SAMD4A: variants seen among roughly 807,000 people sequenced by gnomAD.
SAMD4A encodes the protein protein Smaug homolog 1.
In SAMD4A, 33 loss-of-function variants were observed where a neutral mutation model predicts 81.3. That is an observed-to-expected ratio of 0.41 (90% CI 0.31 to 0.54). SAMD4A has a LOEUF of 0.54. Ranked by LOEUF, SAMD4A falls within the 20% of genes least tolerant of loss-of-function variation. The probability of loss-of-function intolerance (pLI) is 0.37; values close to 1 mark genes in which losing one functional copy is unlikely to be tolerated. For missense variants in SAMD4A, 854 were observed against 951.1 expected, an observed-to-expected ratio of 0.90 and a Z score of 1.34; for synonymous variants, 389 against 382.1, an observed-to-expected ratio of 1.02 and a Z score of -0.21.
At chr14:54,683,273 G>A (rs1229827484) in intron 2 of SAMD4A, among the ~76,000 whole-genome samples, 1 of 152,238 alleles carries the variant, frequency 6.6e-6, no homozygotes, top group Non-Finnish European at 1.5e-5. Context: ...GATAGAGTCT[G>A]AGGCACAGGA....
chr14:54,766,471 A>G (rs753956073), intron 8 of SAMD4A, among the ~76,000 whole-genome samples: 10 of 152,172 alleles, frequency 6.6e-5, no homozygotes, highest in Non-Finnish European at 7.4e-5. Flanking sequence ...ACAGAGGAGC[A>G]GCAGCAGCGG....
intron 2 of SAMD4A, among the ~76,000 whole-genome samples, chr14:54,570,121 T>C (rs1356483228): frequency 6.6e-6 from 1 of 152,230 alleles, no homozygotes; most frequent in Non-Finnish European, 1.5e-5. Flanking sequence ...GTCTCCAGTT[T>C]CTGGATTAAT....
At chr14:54,597,931 T>A (rs2033956019) in intron 2 of SAMD4A, among the ~76,000 whole-genome samples, 1 of 152,158 alleles carries the variant, frequency 6.6e-6, no homozygotes, top group Non-Finnish European at 1.5e-5. Context: ...CTGGTCCTGA[T>A]AGACATCTGA....
At chr14:54,605,402 G>A (rs2034171803) in intron 2 of SAMD4A, among the ~76,000 whole-genome samples, 1 of 152,200 alleles carries the variant, frequency 6.6e-6, no homozygotes, top group Non-Finnish European at 1.5e-5. Flanking sequence ...TTTCTGATGT[G>A]AATTATTTGT....
chr14:54,664,046 G>C (rs1594784847), intron 2 of SAMD4A, among the ~76,000 whole-genome samples: 1 of 152,146 alleles, frequency 6.6e-6, no homozygotes. Context: ...GAAAAGACTT[G>C]TTAATGATGA....
At chr14:54,606,210 T>TGCGCGC (rs1555335579) in intron 2 of SAMD4A, among the ~76,000 whole-genome samples, 6 of 150,344 alleles carry the variant, frequency 4.0e-5, no homozygotes, top group African/African-American at 1.5e-4. Flanking sequence ...TGTGTGTGTG[T>TGCGCGC]GTGCGTGCAC....
At chr14:54,692,699 G>A (rs1157773551) in intron 2 of SAMD4A, among the ~76,000 whole-genome samples, 2 of 152,156 alleles carry the variant, frequency 1.3e-5, no homozygotes, top group African/African-American at 4.8e-5. Flanking sequence ...AGCTTCCTGT[G>A]TTTAGAACAC....
intron 6 of SAMD4A, among the ~76,000 whole-genome samples, chr14:54,755,094 A>G (rs2038204152): frequency 6.6e-6 from 1 of 152,184 alleles, no homozygotes; most frequent in Non-Finnish European, 1.5e-5. Flanking sequence ...TTGGCCGGGA[A>G]ACTCATTAGG....
chr14:54,588,461 A>G (rs1053820943), intron 2 of SAMD4A, among the ~76,000 whole-genome samples: 12 of 151,660 alleles, frequency 7.9e-5, no homozygotes, highest in African/African-American at 2.2e-4. Context: ...CTCCAGTTCC[A>G]TGAGGTGTGC....
intron 8 of SAMD4A, among the ~76,000 whole-genome samples, chr14:54,764,753 G>C (rs1389485632): frequency 1.3e-5 from 2 of 152,200 alleles, no homozygotes; most frequent in Non-Finnish European, 2.9e-5. Context: ...TGCCCAGACT[G>C]AGTGTTCTGA....
chr14:54,767,788 G>A (rs1171114838), intron 8 of SAMD4A, among the ~76,000 whole-genome samples: 1 of 152,188 alleles, frequency 6.6e-6, no homozygotes, highest in African/African-American at 2.4e-5. Flanking sequence ...CCATAACTGA[G>A]CACTCCCCTG....
Position 54,770,146 on chromosome 14 carries a change from C to T in SAMD4A, c.1639C>T (p.Gln547Ter). The T allele has an allele frequency of 6.2e-7, 1 of 1,614,110 alleles. No homozygotes were observed. The highest frequency in any genetic ancestry group is 8.5e-7 in the Non-Finnish European group (1 of 1,179,942). ...TQKKRLLSWK[Q>*]QVQKLFRSFP... Reference sequence around the variant, plus strand: ...GAAAAAAAGATTGTTGTCATGGAAACAGCAGGTGCAGAAGCTCTTTCGGTC... The same window carrying T: ...GAAAAAAAGATTGTTGTCATGGAAATAGCAGGTGCAGAAGCTCTTTCGGTC... The change falls in exon 9 of 13, where the codon CAG (glutamine) becomes TAG (stop). Residue 547 changes from glutamine to a stop codon, truncating the protein, a stop_gained. Transcript: ENST00000554335. LOFTEE classifies it high-confidence loss of function.
At chr14:54,744,239 C>T (rs1175541398) in intron 4 of SAMD4A, among the ~76,000 whole-genome samples, 1 of 152,152 alleles carries the variant, frequency 6.6e-6, no homozygotes, top group Non-Finnish European at 1.5e-5. Context: ...AATATCGATC[C>T]CATCTTTCTG....
chr14:54,681,970 A>T, intron 2 of SAMD4A: 1 of 985,422 alleles, frequency 1.0e-6, no homozygotes, highest in Middle Eastern at 5.2e-4. Flanking sequence ...AGACCACAAA[A>T]TAATTATGCT....
chr14:54,732,157 A>G (rs892228278), intron 3 of SAMD4A, among the ~76,000 whole-genome samples: 2 of 152,224 alleles, frequency 1.3e-5, no homozygotes, highest in Non-Finnish European at 2.9e-5. Flanking sequence ...GTGTAAGTTA[A>G]TAGCTAATAT....
intron 6 of SAMD4A, among the ~76,000 whole-genome samples, chr14:54,753,353 A>G (rs2038159620): frequency 1.3e-5 from 2 of 152,268 alleles, no homozygotes; most frequent in Admixed American, 6.5e-5. Context: ...GACTTTTACC[A>G]AGTATACTGC....
At chr14:54,735,911 G>A (rs1456305333) in intron 3 of SAMD4A, among the ~76,000 whole-genome samples, 1 of 152,176 alleles carries the variant, frequency 6.6e-6, no homozygotes, top group African/African-American at 2.4e-5. Context: ...CTCATGGATG[G>A]GGATACAGCC....
upstream of SAMD4A, among the ~76,000 whole-genome samples, chr14:54,566,742 C>G (rs2032948160): frequency 1.3e-5 from 2 of 151,854 alleles, no homozygotes; most frequent in African/African-American, 4.8e-5. Context: ...GGATGCCTGC[C>G]ACACACGCGC....
Position 54,788,261 on chromosome 14 carries a change from C to T in SAMD4A, c.2129-655C>T, listed in dbSNP as rs1594947668. Among the ~76,000 whole-genome samples, 5 of 152,330 alleles carry T rather than the reference C, an allele frequency of 3.3e-5. 1 individual carries two copies. The Middle Eastern group carries it at 0.014, about 415-fold the overall frequency. On this transcript the variant is annotated intron_variant, in intron 12 of 12. Coordinates refer to ENST00000554335, the MANE Select transcript of SAMD4A (RefSeq NM_015589.6). ...CACAGCCACCTTGTCCCCAGTGTCT[C>T]ATCAGGGACGTGGGTTGAGAAGGAG...
Sources: allele counts gnomAD v4.1 joint callset (sites outside exome capture counted in the v4.1 genomes callset), GRCh38; gene constraint gnomAD v4.1.1; transcripts MANE v1.5; gene names NCBI Gene and HGNC (gene_info 2026-07-23, HGNC 2026-07-21).